Variants in THSD7B observed in about 807,000 individuals in gnomAD.
THSD7B encodes the protein thrombospondin type 1 domain containing 7B, also known as thrombospondin type-1 domain-containing protein 7B.
In THSD7B, 138 loss-of-function variants were observed where a neutral mutation model predicts 213.6. That is an observed-to-expected ratio of 0.65 (90% CI 0.56 to 0.74). The LOEUF (loss-of-function observed/expected upper bound fraction) is 0.74, where lower values mean the gene tolerates loss of function less well. Among genes scored for constraint, THSD7B ranks in the 30% least tolerant of loss-of-function variants. The pLI is 0.00. For synonymous variants in THSD7B, 742 were observed against 687.0 expected, an observed-to-expected ratio of 1.08 and a Z score of -1.25; for missense variants, 1,931 against 1,991.5, an observed-to-expected ratio of 0.97 and a Z score of 0.58.
intron 2 of THSD7B, among the ~76,000 whole-genome samples, chr2:136,884,878 T>A (rs1558837888): frequency 6.6e-6 from 1 of 152,156 alleles, no homozygotes; most frequent in African/African-American, 2.4e-5. Flanking sequence ...TTATAAATAA[T>A]GCTGACATGA....
chr2:137,445,902 A>G (rs900515483), intron 14 of THSD7B, among the ~76,000 whole-genome samples: 2 of 151,976 alleles, frequency 1.3e-5, no homozygotes, highest in African/African-American at 4.8e-5. Flanking sequence ...GTATCCATAA[A>G]AGTTGAAAAA....
intron 2 of THSD7B, among the ~76,000 whole-genome samples, chr2:137,052,180 G>T (rs997953839): frequency 6.6e-6 from 1 of 152,170 alleles, no homozygotes; most frequent in Non-Finnish European, 1.5e-5. Flanking sequence ...GTTAATGTGT[G>T]ATGTGGCTTA....
chr2:137,061,490 G>T (rs1687269835), intron 3 of THSD7B, among the ~76,000 whole-genome samples: 2 of 143,702 alleles, frequency 1.4e-5, no homozygotes, highest in Non-Finnish European at 1.5e-5. Flanking sequence ...TTAGCTATAG[G>T]TTTTTTTTTT....
rs544078426 is a variant in THSD7B, at chr2:137,408,013, G to A, written c.2695+2206G>A. ...TAAGGAAGAAAAAGTCTTTAGAATT[G>A]TACTAGGGATTGATTTTTAATATTA... On this transcript the variant is annotated intron_variant, in intron 13 of 27. Transcript: ENST00000409968. Among the ~76,000 whole-genome samples the A allele has an allele frequency of 2.6e-3, 396 of 151,692 alleles. 3 individuals are homozygous for A. The highest frequency in any genetic ancestry group is 3.6e-3 in the Non-Finnish European group (247 of 67,868).
chr2:137,483,725 G>A (rs1466519665), intron 15 of THSD7B, among the ~76,000 whole-genome samples: 3 of 152,198 alleles, frequency 2.0e-5, no homozygotes, highest in African/African-American at 7.2e-5. Context: ...GTAGAAAATG[G>A]GAGGGAGGCT....
At chr2:136,920,872 A>G (rs1047437319) in intron 2 of THSD7B, among the ~76,000 whole-genome samples, 1 of 152,156 alleles carries the variant, frequency 6.6e-6, no homozygotes, top group African/African-American at 2.4e-5. Flanking sequence ...TGGCTGGGTT[A>G]TGACAGTACC....
intron 10 of THSD7B, among the ~76,000 whole-genome samples, chr2:137,245,677 T>C (rs981248756): frequency 6.6e-6 from 1 of 152,196 alleles, no homozygotes; most frequent in Non-Finnish European, 1.5e-5. Flanking sequence ...TCTTCACAAC[T>C]GGATACTCTA....
intron 5 of THSD7B, among the ~76,000 whole-genome samples, chr2:137,138,935 C>G (rs1679526022): frequency 6.6e-6 from 1 of 152,030 alleles, no homozygotes; most frequent in African/African-American, 2.4e-5. Context: ...TGTTATATTT[C>G]TAGTTTCATT....
intron 12 of THSD7B, among the ~76,000 whole-genome samples, chr2:137,354,001 G>A (rs1293565699): frequency 1.3e-5 from 2 of 152,034 alleles, no homozygotes; most frequent in African/African-American, 4.8e-5. Flanking sequence ...TGAGTCTGAT[G>A]TCTGATCCTT....
chr2:137,238,799 C>T (rs1020281122), intron 9 of THSD7B, among the ~76,000 whole-genome samples: 4 of 150,166 alleles, frequency 2.7e-5, no homozygotes, highest in South Asian at 2.1e-4. Flanking sequence ...ATGATCCACC[C>T]GCCTCGGCCT....
At chr2:136,911,594 G>A (rs1252591714) in intron 2 of THSD7B, among the ~76,000 whole-genome samples, 1 of 152,210 alleles carries the variant, frequency 6.6e-6, no homozygotes, top group Non-Finnish European at 1.5e-5. Flanking sequence ...GGAAACAGTT[G>A]TTGATAATGT....
intron 12 of THSD7B, among the ~76,000 whole-genome samples, chr2:137,283,867 G>T (rs1683100250): frequency 6.6e-6 from 1 of 151,860 alleles, no homozygotes; most frequent in Non-Finnish European, 1.5e-5. Flanking sequence ...TCTCTTTTTT[G>T]GTTGTATCTC....
At chr2:137,620,747 C>A in intron 20 of THSD7B, 21 bp downstream of exon 20, 1 of 1,577,706 alleles carries the variant, frequency 6.3e-7, no homozygotes, top group Non-Finnish European at 8.7e-7. Context: ...CCCCATATTT[C>A]CCACTAACTA....
At chr2:137,158,120 G>A (rs80263122) in intron 5 of THSD7B, among the ~76,000 whole-genome samples, 5,005 of 152,240 alleles carry the variant, frequency 0.033, 298 homozygotes, top group African/African-American at 0.11. Flanking sequence ...CTACTCAAGA[G>A]TGCCTGATTT....
intron 8 of THSD7B, among the ~76,000 whole-genome samples, chr2:137,231,557 A>T (rs930799401): frequency 2.7e-5 from 4 of 150,356 alleles, no homozygotes; most frequent in Non-Finnish European, 5.9e-5. Flanking sequence ...CAAACCAAAG[A>T]TAGCTTGTGC....
intron 6 of THSD7B, among the ~76,000 whole-genome samples, chr2:137,169,372 T>A (rs1680198195): frequency 6.6e-6 from 1 of 151,794 alleles, no homozygotes; most frequent in African/African-American, 2.4e-5. Flanking sequence ...CATTGTGTTC[T>A]AGCCTCCTTG....
At chr2:137,080,305 A>G (rs932328948) in intron 3 of THSD7B, among the ~76,000 whole-genome samples, 5 of 150,786 alleles carry the variant, frequency 3.3e-5, no homozygotes, top group South Asian at 2.1e-4. Flanking sequence ...GATTCAAGCA[A>G]TCCTTGTGCC....
intron 17 of THSD7B, among the ~76,000 whole-genome samples, chr2:137,596,812 A>G (rs1022367472): frequency 1.3e-5 from 2 of 151,958 alleles, no homozygotes; most frequent in African/African-American, 4.8e-5. Context: ...GTAACAGAAT[A>G]TAGTTTGATC....
chr2:137,578,326 A>C (rs1681504182), intron 17 of THSD7B, among the ~76,000 whole-genome samples: 1 of 152,208 alleles, frequency 6.6e-6, no homozygotes, highest in Non-Finnish European at 1.5e-5. Context: ...GCTAACTACT[A>C]ATTTGGACAT....
Sources: gnomAD v4.1 joint callset for allele counts (sites outside exome capture counted in the v4.1 genomes callset) on GRCh38, gnomAD v4.1.1 for gene constraint, MANE v1.5 for transcripts, NCBI Gene and HGNC (gene_info 2026-07-23, HGNC 2026-07-21) for gene names.